Variants in ABCG2 observed in about 807,000 individuals in gnomAD.
ABCG2 encodes ATP binding cassette subfamily G member 2 (JR blood group).
A neutral mutation model predicts 73.5 loss-of-function variants in ABCG2; 80 were observed. That is an observed-to-expected ratio of 1.09 (90% CI 0.91 to 1.31). ABCG2 has a LOEUF of 1.31. Among genes scored for constraint, ABCG2 ranks in the 50% most tolerant of loss-of-function variants. The probability of loss-of-function intolerance (pLI) is 0.00; values close to 1 mark genes in which losing one functional copy is unlikely to be tolerated. For missense variants in ABCG2, 796 were observed against 786.2 expected (o/e 1.01, Z -0.15); for synonymous variants, 269 against 282.4 (o/e 0.95, Z 0.48).
At chr4:88,200,200 C>T (rs1729103089) in intron 1 of ABCG2, among the ~76,000 whole-genome samples, 1 of 151,992 alleles carries the variant, frequency 6.6e-6, no homozygotes. Context: ...GTGACGCACA[C>T]ACTGGTAGTC....
At chr4:88,113,197 T>C (rs1179761294) in intron 9 of ABCG2, 106 bp downstream of exon 9, 2 of 1,412,052 alleles carry the variant, frequency 1.4e-6, no homozygotes, top group Non-Finnish European at 1.9e-6. Flanking sequence ...GGAGTGAAGA[T>C]AACAAATAAT....
chr4:88,161,640 A>C (rs113441192), upstream of ABCG2, among the ~76,000 whole-genome samples: 2,189 of 7,012 alleles, frequency 0.31, 464 homozygotes, highest in East Asian at 0.55. Flanking sequence ...ATACGTGTGC[A>C]TGTGTCTTTA....
chr4:88,129,378 T>C (rs201150883), intron 5 of ABCG2, among the ~76,000 whole-genome samples: 10 of 152,320 alleles, frequency 6.6e-5, no homozygotes, highest in East Asian at 5.8e-4. Context: ...AAAAGTAACA[T>C]ATTTTAAATG....
At chr4:88,209,737 G>A (rs1243312757) in intron 1 of ABCG2, among the ~76,000 whole-genome samples, 1 of 152,062 alleles carries the variant, frequency 6.6e-6, no homozygotes, top group Non-Finnish European at 1.5e-5. Context: ...AAAATTTTAA[G>A]TGAAAGAAAA....
chr4:88,194,630 G>A (rs1253614153), intron 1 of ABCG2, among the ~76,000 whole-genome samples: 1 of 148,726 alleles, frequency 6.7e-6, no homozygotes, highest in African/African-American at 2.5e-5. Context: ...TCTTTGGAGT[G>A]ACTGCTTCTA....
chr4:88,222,736 C>T (rs1032450926), intron 1 of ABCG2, among the ~76,000 whole-genome samples: 1 of 152,238 alleles, frequency 6.6e-6, no homozygotes, highest in South Asian at 2.1e-4. Context: ...GGGGCACCGC[C>T]TAGTGGAGCT....
In ABCG2 at chr4:88,114,988, A is replaced by G; in HGVS notation, c.912T>C (p.Ala304=). The G allele has an allele frequency of 6.2e-7, 1 of 1,612,632 alleles. No homozygotes were observed. Among genetic ancestry groups the G allele is most frequent in the Non-Finnish European group, 8.5e-7 (1 of 1,179,036 alleles). The change falls in exon 8 of 16, where the codon GCT becomes GCC. Residue 304 remains alanine, a synonymous_variant. Transcript: ENST00000237612. ...FLDIINGDST[A]VALNREEDFK... ...AGTCTTCTTCTCTGTTTAATGCCAC[A>G]GCAGTGGAATCTCCATTAATGATGT...
At chr4:88,157,604 A>G (rs2110081683) in intron 1 of ABCG2, among the ~76,000 whole-genome samples, 1 of 152,308 alleles carries the variant, frequency 6.6e-6, no homozygotes, top group South Asian at 2.1e-4. Context: ...AACATCTTTC[A>G]ATGTTTATAA....
At chr4:88,220,097 C>A (rs2110130184) in intron 1 of ABCG2, among the ~76,000 whole-genome samples, 1 of 152,262 alleles carries the variant, frequency 6.6e-6, no homozygotes, top group South Asian at 2.1e-4. Context: ...TAGTATTTGT[C>A]CTTATTTCTC....
chr4:88,179,597 T>G (rs545356895), intron 1 of ABCG2, among the ~76,000 whole-genome samples: 1 of 152,200 alleles, frequency 6.6e-6, no homozygotes, highest in Non-Finnish European at 1.5e-5. Flanking sequence ...GACAGAGAGA[T>G]ATGACCTTTC....
At chr4:88,147,587 T>A (rs1455696069) in intron 1 of ABCG2, among the ~76,000 whole-genome samples, 1 of 152,202 alleles carries the variant, frequency 6.6e-6, no homozygotes, top group Admixed American at 6.5e-5. Context: ...ACTATTTTTG[T>A]TTCCTGCAGA....
chr4:88,204,095 G>C (rs556536167), intron 1 of ABCG2, among the ~76,000 whole-genome samples: 1 of 150,754 alleles, frequency 6.6e-6, no homozygotes, highest in Non-Finnish European at 1.5e-5. Context: ...GATTTTGTTT[G>C]CTTTGCAAAG....
intron 1 of ABCG2, among the ~76,000 whole-genome samples, chr4:88,211,971 GCA>G (rs1398240518): frequency 1.3e-5 from 2 of 152,196 alleles, no homozygotes; most frequent in Non-Finnish European, 2.9e-5. Flanking sequence ...AGCTTTTGGT[GCA>G]CAGCTAGTTC....
intron 7 of ABCG2, among the ~76,000 whole-genome samples, chr4:88,115,667 C>T (rs930262989): frequency 2.0e-5 from 3 of 151,660 alleles, no homozygotes; most frequent in Admixed American, 6.6e-5. Context: ...CCAAGCCAAC[C>T]TTGGATTTGC....
chr4:88,101,353 C>A (rs760053789), intron 10 of ABCG2, 34 bp from the exon 11 acceptor site: 1 of 1,568,252 alleles, frequency 6.4e-7, no homozygotes, highest in Non-Finnish European at 8.8e-7. Flanking sequence ...TCACCGCAGT[C>A]AACTCAGCAT....
intron 1 of ABCG2, among the ~76,000 whole-genome samples, chr4:88,217,481 C>T (rs1016760048): frequency 5.3e-5 from 8 of 151,946 alleles, no homozygotes; most frequent in Non-Finnish European, 1.0e-4. Context: ...GCCAATATGG[C>T]GAAACCCTGT....
intron 5 of ABCG2, among the ~76,000 whole-genome samples, chr4:88,129,848 T>A (rs1355275725): frequency 2.0e-5 from 3 of 152,190 alleles, no homozygotes; most frequent in African/African-American, 7.2e-5. Context: ...TAAAGTTCAT[T>A]CATTCATGTC....
intron 6 of ABCG2, among the ~76,000 whole-genome samples, chr4:88,118,564 A>G (rs1723757284): frequency 6.6e-6 from 1 of 152,222 alleles, no homozygotes; most frequent in African/African-American, 2.4e-5. Context: ...CAGTAGGTCT[A>G]GGGAATCCAT....
intron 1 of ABCG2, among the ~76,000 whole-genome samples, chr4:88,150,583 C>A (rs573603601): frequency 2.2e-3 from 341 of 152,330 alleles, no homozygotes; most frequent in African/African-American, 8.0e-3. Context: ...AATCTTTTGG[C>A]TTCCCTGGGC....
Sources: gnomAD v4.1 joint callset for allele counts (sites outside exome capture counted in the v4.1 genomes callset) on GRCh38, gnomAD v4.1.1 for gene constraint, MANE v1.5 for transcripts, NCBI Gene and HGNC (gene_info 2026-07-23, HGNC 2026-07-21) for gene names.